PDSS2: variants seen among roughly 807,000 people sequenced by gnomAD.
PDSS2 encodes decaprenyl diphosphate synthase subunit 2, also known as all trans-polyprenyl-diphosphate synthase PDSS2.
A neutral mutation model predicts 44.5 loss-of-function variants in PDSS2; 31 were observed. That is an observed-to-expected ratio of 0.70 (90% CI 0.52 to 0.94). The LOEUF (loss-of-function observed/expected upper bound fraction) is 0.94, where lower values mean the gene tolerates loss of function less well. Ranked by LOEUF, PDSS2 falls within the 40% of genes least tolerant of loss-of-function variation. The probability of loss-of-function intolerance (pLI) is 0.00; values close to 1 mark genes in which losing one functional copy is unlikely to be tolerated. For synonymous variants in PDSS2, 157 were observed against 180.3 expected (o/e 0.87, Z 1.03); for missense variants, 452 against 482.2 (o/e 0.94, Z 0.59).
intron 1 of PDSS2, among the ~76,000 whole-genome samples, chr6:107,364,470 C>T (rs1335365181): frequency 6.6e-6 from 1 of 152,244 alleles, no homozygotes; most frequent in African/African-American, 2.4e-5. Flanking sequence ...GTACACCCTC[C>T]GCAGCCACTG....
At chr6:107,245,682 A>G (rs992235140) in intron 3 of PDSS2, 63 bp from the exon 4 acceptor site, 4 of 1,060,946 alleles carry the variant, frequency 3.8e-6, no homozygotes, top group African/African-American at 3.2e-5. Flanking sequence ...GTTACCTCAG[A>G]ATGTTTCAGA....
At chr6:107,275,814 T>C (rs894337577) in intron 2 of PDSS2, among the ~76,000 whole-genome samples, 1 of 152,080 alleles carries the variant, frequency 6.6e-6, no homozygotes, top group Non-Finnish European at 1.5e-5. Flanking sequence ...AACTGTATCT[T>C]ACTGAAAAGG....
chr6:107,398,599 A>C (rs1364007894), intron 1 of PDSS2, among the ~76,000 whole-genome samples: 1 of 152,232 alleles, frequency 6.6e-6, no homozygotes. Context: ...CCATGAGACT[A>C]TAAGAGATTC....
At chr6:107,342,764 C>A (rs1778120235) in intron 1 of PDSS2, among the ~76,000 whole-genome samples, 1 of 152,010 alleles carries the variant, frequency 6.6e-6, no homozygotes, top group African/African-American at 2.4e-5. Context: ...GTTCAAAATT[C>A]TAAATTCTAT....
chr6:107,238,469 A>G lies in PDSS2; in HGVS notation c.702+7079T>C, dbSNP rs181337136. 2.0e-5 allele frequency among the ~76,000 whole-genome samples: 3 copies of G among 152,312 alleles called. No homozygotes were observed. The East Asian group carries it at 5.8e-4, about 29-fold the overall frequency. On this transcript the variant is annotated intron_variant, in intron 4 of 7. Transcript: ENST00000369037. ...CCCCATAGGGTGAAGTCTGGAAGAA[A>G]CCAGGTGTAAACTTCTAAGAATCCC...
chr6:107,400,065 G>T (rs117509337), intron 1 of PDSS2, among the ~76,000 whole-genome samples: 114 of 152,116 alleles, frequency 7.5e-4, no homozygotes, highest in Non-Finnish European at 5.4e-4. Flanking sequence ...GTATGTGAGT[G>T]GGGGGAGTGT....
intron 3 of PDSS2, among the ~76,000 whole-genome samples, chr6:107,257,970 A>T (rs973670290): frequency 3.9e-5 from 6 of 151,992 alleles, no homozygotes; most frequent in South Asian, 2.1e-4. Flanking sequence ...ACACACAAAA[A>T]TTTTTTTTGA....
chr6:107,305,271 T>A (rs1441438192), intron 2 of PDSS2, among the ~76,000 whole-genome samples: 1 of 151,898 alleles, frequency 6.6e-6, no homozygotes, highest in Non-Finnish European at 1.5e-5. Context: ...TCTAGAGGGG[T>A]GGCAAGTGTG....
Position 107,230,743 on chromosome 6 carries a change from C to T in PDSS2, c.702+14805G>A, listed in dbSNP as rs147501836. 2.6e-3 allele frequency among the ~76,000 whole-genome samples: 390 copies of T among 151,892 alleles called. 2 individuals carry two copies. Among genetic ancestry groups the T allele is most frequent in the African/African-American group, 8.8e-3 (365 of 41,406 alleles). Reference sequence around the variant, plus strand: ...TCTTACTGGTCAAAGCAAGTGAGCCCAGAGTTAAAGGACAGGTAAGTACCC... The same window carrying T: ...TCTTACTGGTCAAAGCAAGTGAGCCTAGAGTTAAAGGACAGGTAAGTACCC... On this transcript the variant is annotated intron_variant, in intron 4 of 7. Transcript: ENST00000369037.
chr6:107,189,897 T>TTAAA (rs1016286439), intron 7 of PDSS2, among the ~76,000 whole-genome samples: 153 of 151,856 alleles, frequency 1.0e-3, no homozygotes, highest in African/African-American at 3.3e-3. Context: ...TTCCTTAAAA[T>TTAAA]TAAATAAATA....
At chr6:107,223,770 G>T (rs1352022397) in intron 4 of PDSS2, among the ~76,000 whole-genome samples, 1 of 142,944 alleles carries the variant, frequency 7.0e-6, no homozygotes, top group East Asian at 2.0e-4. Flanking sequence ...CCCCGACCCC[G>T]ACCCACCAAG....
At chr6:107,210,074 A>G (rs1241366171) in intron 6 of PDSS2, among the ~76,000 whole-genome samples, 1 of 152,100 alleles carries the variant, frequency 6.6e-6, no homozygotes, top group Non-Finnish European at 1.5e-5. Flanking sequence ...GGAATTCTGC[A>G]GCTTGTGCGA....
intron 2 of PDSS2, among the ~76,000 whole-genome samples, chr6:107,299,101 C>T (rs549945055): frequency 8.4e-6 from 1 of 119,758 alleles, no homozygotes; most frequent in East Asian, 2.9e-4. Context: ...GAGCTGAGAT[C>T]GTATCACTAC....
chr6:107,276,119 A>AAAAAAAAAAAAAG lies in PDSS2; in HGVS notation c.432-1893_432-1892insCTTTTTTTTTTTT, dbSNP rs1301668410. Among the ~76,000 whole-genome samples, 6 of 150,338 alleles carry AAAAAAAAAAAAAG rather than the reference A, an allele frequency of 4.0e-5. No homozygotes were observed. The East Asian group carries it at 7.8e-4, about 19-fold the overall frequency. ...CACAGAGTGAGACCCTATCTCAAAAAAAAGGAAAGAAAAGAAAAGAAAAGA... is the reference window on the plus strand; with the variant it reads ...CACAGAGTGAGACCCTATCTCAAAAAAAAAAAAAAAAAGAAAGGAAAGAAAAGAAAAGAAAAGA... On this transcript the variant is annotated intron_variant, in intron 2 of 7. Transcript: ENST00000369037.
At chr6:107,328,308 C>A (rs531752395) in intron 2 of PDSS2, among the ~76,000 whole-genome samples, 1 of 152,326 alleles carries the variant, frequency 6.6e-6, no homozygotes, top group Non-Finnish European at 1.5e-5. Flanking sequence ...AGTGATGAAA[C>A]AAGGATTTGA....
At chr6:107,162,772 T>C (rs895546584) in intron 7 of PDSS2, among the ~76,000 whole-genome samples, 15 of 151,596 alleles carry the variant, frequency 9.9e-5, no homozygotes, top group Admixed American at 1.3e-4. Context: ...ACCCGACTAA[T>C]TTATGTATTT....
intron 7 of PDSS2, among the ~76,000 whole-genome samples, chr6:107,187,891 A>G (rs1772228776): frequency 1.3e-5 from 2 of 152,230 alleles, no homozygotes; most frequent in African/African-American, 4.8e-5. Context: ...GTGGAAGAAG[A>G]AATAAACATG....
chr6:107,440,732 G>A (rs572519957), intron 1 of PDSS2, among the ~76,000 whole-genome samples: 7 of 152,350 alleles, frequency 4.6e-5, no homozygotes, highest in Admixed American at 1.3e-4. Context: ...TAAATAGAGG[G>A]ATATATCCGC....
chr6:107,164,995 G>C (rs1207224907), intron 7 of PDSS2, among the ~76,000 whole-genome samples: 3 of 152,090 alleles, frequency 2.0e-5, no homozygotes, highest in South Asian at 4.2e-4. Flanking sequence ...CATATCCTTC[G>C]CCCACTTTTT....
Sources: allele counts gnomAD v4.1 joint callset (sites outside exome capture counted in the v4.1 genomes callset), GRCh38; gene constraint gnomAD v4.1.1; transcripts MANE v1.5; gene names NCBI Gene and HGNC (gene_info 2026-07-23, HGNC 2026-07-21).